ITGBL1: variants seen among roughly 807,000 people sequenced by gnomAD.
ITGBL1 encodes the protein integrin subunit beta like 1.
In ITGBL1, 51 loss-of-function variants were observed where a neutral mutation model predicts 68.5. That is an observed-to-expected ratio of 0.74 (90% CI 0.59 to 0.94). The LOEUF (loss-of-function observed/expected upper bound fraction) is 0.94. Ranked by LOEUF, ITGBL1 falls within the 40% of genes least tolerant of loss-of-function variation. ITGBL1 has a pLI of 0.00. For synonymous variants in ITGBL1, 209 were observed against 227.3 expected, an observed-to-expected ratio of 0.92 and a Z score of 0.72; for missense variants, 649 against 647.4, an observed-to-expected ratio of 1.00 and a Z score of -0.03.
At chr13:101,479,747 C>T (rs2048589692) in intron 2 of ITGBL1, among the ~76,000 whole-genome samples, 1 of 151,980 alleles carries the variant, frequency 6.6e-6, no homozygotes, top group Admixed American at 6.6e-5. Context: ...CAAATCAAAG[C>T]TACAATGAGA....
chr13:101,642,525 CTGA>C (rs2139433206), intron 7 of ITGBL1, among the ~76,000 whole-genome samples: 1 of 152,262 alleles, frequency 6.6e-6, no homozygotes, highest in African/African-American at 2.4e-5. Context: ...CCTGTTCACT[CTGA>C]TGTTAGTGTC....
chr13:101,580,461 T>C (rs987870343), intron 5 of ITGBL1, among the ~76,000 whole-genome samples: 5 of 152,234 alleles, frequency 3.3e-5, no homozygotes, highest in African/African-American at 1.2e-4. Flanking sequence ...ATTATTATAC[T>C]TTAAGTTCTA....
chr13:101,491,651 G>A (rs1017706308), intron 2 of ITGBL1, among the ~76,000 whole-genome samples: 1 of 151,976 alleles, frequency 6.6e-6, no homozygotes, highest in African/African-American at 2.4e-5. Context: ...TATACTTTAA[G>A]TGCTGGGATA....
intron 2 of ITGBL1, among the ~76,000 whole-genome samples, chr13:101,529,899 T>C (rs2049443802): frequency 6.6e-6 from 1 of 152,134 alleles, no homozygotes; most frequent in Admixed American, 6.5e-5. Context: ...TTTTTGGCAG[T>C]GTGAAAACGA....
chr13:101,706,297 A>G (rs1967335), intron 8 of ITGBL1, among the ~76,000 whole-genome samples: 117,207 of 152,074 alleles, frequency 0.77, 45,552 homozygotes, highest in East Asian at 0.96. Flanking sequence ...CTAATATAGT[A>G]CCAAATGCCA....
rs1004423867 is a variant in ITGBL1, at chr13:101,591,340, GTTTA to G, written c.869-6810_869-6807del. Among the ~76,000 whole-genome samples, 10 of 152,288 alleles carry G rather than the reference GTTTA, an allele frequency of 6.6e-5. 1 individual carries two copies. The South Asian group carries it at 1.2e-3, about 19-fold the overall frequency. The stretch of plus-strand genomic sequence containing the variant: ...CTAATCATATTCATATGTCATGTAT[GTTTA>G]TTAATAATAACAATTTTCTTTTCCT... On this transcript the variant is annotated intron_variant, in intron 6 of 10. Transcript: ENST00000376180.
intron 7 of ITGBL1, among the ~76,000 whole-genome samples, chr13:101,670,039 C>T (rs1479937391): frequency 6.6e-6 from 1 of 152,106 alleles, no homozygotes; most frequent in Non-Finnish European, 1.5e-5. Flanking sequence ...CCACTGTGGT[C>T]TGATGCTGGA....
At chr13:101,534,001 A>G (rs1416543698) in intron 2 of ITGBL1, among the ~76,000 whole-genome samples, 1 of 152,228 alleles carries the variant, frequency 6.6e-6, no homozygotes, top group Non-Finnish European at 1.5e-5. Context: ...AGAAATAATC[A>G]GAGATAGAAA....
At chr13:101,649,107 G>A (rs2032662985) in intron 7 of ITGBL1, among the ~76,000 whole-genome samples, 1 of 152,108 alleles carries the variant, frequency 6.6e-6, no homozygotes, top group Non-Finnish European at 1.5e-5. Flanking sequence ...CAAGAAATTG[G>A]TAATTTTAGT....
chr13:101,560,484 A>T (rs531359193), intron 2 of ITGBL1, among the ~76,000 whole-genome samples: 3 of 152,332 alleles, frequency 2.0e-5, no homozygotes, highest in African/African-American at 7.2e-5. Context: ...CTATGTGATA[A>T]AATTGTTGCC....
chr13:101,500,462 C>A lies in ITGBL1; in HGVS notation c.316+46362C>A, dbSNP rs146820659. Among the ~76,000 whole-genome samples the A allele has an allele frequency of 4.6e-5, 7 of 152,256 alleles. No individual in the cohort carries two copies. The East Asian group carries it at 1.4e-3, about 29-fold the overall frequency. ...TGTGTGAATCCTTTCTTCTCAGGAG[C>A]GAAATGTTCTTTCTGAATATTAACC... On this transcript the variant is annotated intron_variant, in intron 2 of 10. Transcript: ENST00000376180.
chr13:101,567,677 C>G, intron 2 of ITGBL1, 22 bp from the exon 3 acceptor site: 1 of 1,609,510 alleles, frequency 6.2e-7, no homozygotes. Context: ...TTGAGTCTGA[C>G]TAGATGTTGT....
intron 2 of ITGBL1, among the ~76,000 whole-genome samples, chr13:101,497,022 G>A (rs2048866793): frequency 6.6e-6 from 1 of 152,158 alleles, no homozygotes; most frequent in Admixed American, 6.5e-5. Flanking sequence ...GACAAGCATG[G>A]CAGAGGGCAA....
At chr13:101,702,205 ATCTC>A (rs2034152133) in intron 8 of ITGBL1, among the ~76,000 whole-genome samples, 2 of 152,128 alleles carry the variant, frequency 1.3e-5, no homozygotes, top group South Asian at 4.1e-4. Context: ...AGATATAATC[ATCTC>A]TCTCTTAATT....
chr13:101,509,163 G>A (rs1482460314), intron 2 of ITGBL1, among the ~76,000 whole-genome samples: 1 of 152,128 alleles, frequency 6.6e-6, no homozygotes, highest in Non-Finnish European at 1.5e-5. Context: ...GGAGGAGCAA[G>A]TCACATCTTA....
chr13:101,604,542 A>C (rs2030576100), intron 7 of ITGBL1, among the ~76,000 whole-genome samples: 1 of 151,474 alleles, frequency 6.6e-6, no homozygotes. Flanking sequence ...GAAAACGAAA[A>C]CCAAGAATTT....
intron 2 of ITGBL1, among the ~76,000 whole-genome samples, chr13:101,526,538 A>G (rs1317763679): frequency 6.6e-6 from 1 of 152,102 alleles, no homozygotes; most frequent in Non-Finnish European, 1.5e-5. Context: ...TTTCAGGGAC[A>G]TGGATGAAGC....
chr13:101,679,549 G>A (rs561759362), intron 7 of ITGBL1, among the ~76,000 whole-genome samples: 7 of 152,182 alleles, frequency 4.6e-5, no homozygotes, highest in Non-Finnish European at 1.0e-4. Flanking sequence ...GGACTACACT[G>A]GTTAAGAACT....
In ITGBL1 at chr13:101,575,539, A is replaced by G. The variant is rs1219873415; in HGVS notation, c.579A>G (p.Ile193Met). Reference protein sequence around the residue: ...RECIDDETEEICGGHGKCYCG... With the variant: ...RECIDDETEEMCGGHGKCYCG... ...GCATAGACGATGAAACAGAAGAAAT[A>G]TGTGGAGGTATGTATATTGGCTCTG... The change falls in exon 4 of 11, where the codon ATA (isoleucine) becomes ATG (methionine). Residue 193 changes from isoleucine (I) to methionine (M), a missense_variant. By Grantham distance (10) the Ile-to-Met change is conservative. Transcript: ENST00000376180. The G allele has an allele frequency of 6.2e-7, 1 of 1,611,952 alleles. No homozygotes were observed. The highest frequency in any genetic ancestry group is 1.7e-5 in the Admixed American group (1 of 59,928).
Sources: allele counts gnomAD v4.1 joint callset (sites outside exome capture counted in the v4.1 genomes callset), GRCh38; gene constraint gnomAD v4.1.1; transcripts MANE v1.5; gene names NCBI Gene and HGNC (gene_info 2026-07-23, HGNC 2026-07-21).